Variants in SLC47A2 observed in about 807,000 individuals in gnomAD.
The protein encoded by SLC47A2 is multidrug and toxin extrusion protein 2.
In SLC47A2, 52 loss-of-function variants were observed where a neutral mutation model predicts 67.7. That is an observed-to-expected ratio of 0.77 (90% CI 0.61 to 0.97). SLC47A2 has a LOEUF of 0.97. Ranked by LOEUF, SLC47A2 falls within the 50% of genes least tolerant of loss-of-function variation. The pLI is 0.00. For missense variants in SLC47A2, 676 were observed against 712.3 expected (o/e 0.95, Z 0.58); for synonymous variants, 278 against 292.9 (o/e 0.95, Z 0.52).
intron 13 of SLC47A2, among the ~76,000 whole-genome samples, chr17:19,695,499 C>CAA (rs369851386): frequency 1.6e-3 from 88 of 55,412 alleles, no homozygotes; most frequent in African/African-American, 6.5e-3. Flanking sequence ...AAACAAAGAA[C>CAA]AAAAAAAAAA....
Position 19,680,000 on chromosome 17 carries a change from C to G in SLC47A2, c.1432G>C (p.Glu478Gln), listed in dbSNP as rs745449125. Residue 478 changes from glutamate (E) to glutamine (Q), a missense_variant, in exon 16 of 17, where the codon GAG becomes CAG. By Grantham distance (29) the Glu-to-Gln change is conservative (BLOSUM62 2). Coordinates refer to ENST00000433844, the MANE Select transcript of SLC47A2 (RefSeq NM_001099646.3). The part of the protein sequence containing the change: ...HSGRQQQQRA[E>Q]STATRPGPEK... The stretch of plus-strand genomic sequence containing the variant: ...GGCCCAGGTCTGGTTGCAGTGCTCT[C>G]TGCTCTCTGCTGCTGCTGCCGGCCT... 1 of 1,614,056 alleles carries G rather than the reference C, an allele frequency of 6.2e-7. No individual in the cohort carries two copies. The highest frequency in any genetic ancestry group is 8.5e-7 in the Non-Finnish European group (1 of 1,179,946).
chr17:19,703,801 C>T (rs2085852858), intron 11 of SLC47A2, among the ~76,000 whole-genome samples: 1 of 152,138 alleles, frequency 6.6e-6, no homozygotes, highest in African/African-American at 2.4e-5. Flanking sequence ...CCAGCTGTCT[C>T]CAGAAGAGTC....
chr17:19,715,115 C>A lies in SLC47A2; in HGVS notation c.225+1G>T. ...TGCTCTGGGCCAAGCTGGGTACTCA[C>A]GGCCACCGCGAGGGTCACCGATGCC... is the stretch of plus-strand genomic sequence containing the variant. On this transcript the variant is annotated splice_donor_variant, in intron 2 of 16. Transcript: ENST00000433844. LOFTEE classifies it high-confidence loss of function. The A allele has an allele frequency of 1.2e-6, 2 of 1,611,344 alleles. No homozygotes were observed. The highest frequency in any genetic ancestry group is 1.7e-6 in the Non-Finnish European group (2 of 1,179,796).
intron 15 of SLC47A2, among the ~76,000 whole-genome samples, chr17:19,681,094 T>G (rs968004270): frequency 1.3e-5 from 2 of 152,122 alleles, no homozygotes; most frequent in African/African-American, 4.8e-5. Context: ...GTGCCTGTAG[T>G]CCCAGGTACT....
intron 13 of SLC47A2, among the ~76,000 whole-genome samples, chr17:19,697,239 A>G (rs1279291187): frequency 2.0e-5 from 3 of 152,216 alleles, no homozygotes; most frequent in Admixed American, 2.0e-4. Context: ...TGGAGCTTGC[A>G]GTGAGCTGAG....
intron 13 of SLC47A2, among the ~76,000 whole-genome samples, chr17:19,697,939 C>CATA (rs1435451524): frequency 6.6e-6 from 1 of 152,002 alleles, no homozygotes. Context: ...AGAAATTTCA[C>CATA]TGAAGGCTAC....
chr17:19,698,395 C>G (rs1442348021), intron 13 of SLC47A2, among the ~76,000 whole-genome samples: 1 of 152,144 alleles, frequency 6.6e-6, no homozygotes, highest in East Asian at 1.9e-4. Context: ...CTCTGTCATC[C>G]AAGCTGGAGT....
At chr17:19,705,769 TG>T (rs1174342985) in intron 9 of SLC47A2, among the ~76,000 whole-genome samples, 2 of 152,154 alleles carry the variant, frequency 1.3e-5, no homozygotes, top group Non-Finnish European at 2.9e-5. Flanking sequence ...AGCTAATTTT[TG>T]TATTTTTTTG....
chr17:19,701,727 TC>T (rs965885683), intron 13 of SLC47A2, among the ~76,000 whole-genome samples: 3 of 152,162 alleles, frequency 2.0e-5, no homozygotes, highest in African/African-American at 7.2e-5. Flanking sequence ...ATGCCTATTG[TC>T]CCAGCACTTT....
intron 1 of SLC47A2, 28 bp from the exon 2 acceptor site, chr17:19,715,245 G>A (rs370556031): frequency 1.6e-5 from 25 of 1,592,100 alleles, no homozygotes; most frequent in Middle Eastern, 1.7e-4. Context: ...GGTCAGACTC[G>A]GGGCCACAGG....
In SLC47A2 at chr17:19,705,456, C is replaced by G. The variant is rs1483112135; in HGVS notation, c.889G>C (p.Val297Leu). Residue 297 changes from valine (V) to leucine (L), a missense_variant, in exon 10 of 17, where the codon GTG becomes CTG. By Grantham distance (32) the Val-to-Leu change is conservative. Transcript: ENST00000433844. ...CTTACCATGTAGGTCACAGTGGCCA[C>G]CTCGTAGATGACAGCCTGGGCAGAG... ...DLSAQAVIYE[V>L]ATVTYMIPLG... The G allele has an allele frequency of 1.9e-6, 3 of 1,612,614 alleles. No individual in the cohort carries two copies. Among genetic ancestry groups the G allele is most frequent in the Non-Finnish European group, 1.7e-6 (2 of 1,179,608 alleles).
intron 16 of SLC47A2, 37 bp from the exon 17 acceptor site, chr17:19,678,943 G>A: frequency 6.5e-7 from 1 of 1,536,340 alleles, no homozygotes; most frequent in Non-Finnish European, 8.8e-7. Flanking sequence ...AGCAGGTCAG[G>A]GGTCAGAGGG....
In SLC47A2 at chr17:19,685,256, C is replaced by T. The variant is rs573055580; in HGVS notation, c.1165-3586G>A. ...AAGTGCTAAGATTACAGCCTCTGCC[C>T]GCCCGCCACCCCATCTAGGAAGTGA... On this transcript the variant is annotated intron_variant, in intron 13 of 16. Coordinates refer to ENST00000433844, the MANE Select transcript of SLC47A2 (RefSeq NM_001099646.3). The surrounding 1 kb of genome is among the most constrained non-coding windows in gnomAD (Gnocchi z 4.5). 3.9e-5 allele frequency among the ~76,000 whole-genome samples: 6 copies of T among 152,112 alleles called. 1 individual carries two copies. Among genetic ancestry groups the T allele is most frequent in the South Asian group, 4.1e-4 (2 of 4,826 alleles).
intron 13 of SLC47A2, among the ~76,000 whole-genome samples, chr17:19,693,053 C>G (rs2085578014): frequency 6.6e-6 from 1 of 152,010 alleles, no homozygotes; most frequent in South Asian, 2.1e-4. Flanking sequence ...ATTGCTTGAA[C>G]CCGGGAGGCA....
chr17:19,700,687 C>T (rs2085761929), intron 13 of SLC47A2, among the ~76,000 whole-genome samples: 1 of 151,308 alleles, frequency 6.6e-6, no homozygotes, highest in South Asian at 2.1e-4. Context: ...ATTGCTTGGG[C>T]CCAGGTGGTC....
intron 12 of SLC47A2, 68 bp downstream of exon 12, chr17:19,703,024 A>T: frequency 6.6e-7 from 1 of 1,511,566 alleles, no homozygotes. Context: ...GAATGTGATA[A>T]ATCTGAGGAC....
At position 19,680,057 on chromosome 17, in the gene SLC47A2, C is replaced by A; in HGVS notation, c.1393-18G>T. 1 of 1,611,292 alleles carries A rather than the reference C, an allele frequency of 6.2e-7. No homozygotes were observed. Among genetic ancestry groups the A allele is most frequent in the Admixed American group, 1.7e-5 (1 of 59,406 alleles). On this transcript the variant is annotated intron_variant, in intron 15 of 16. Transcript: ENST00000433844. ...TTCTTAGCCTAAAGGAGAAAGAACT[C>A]AATTGGGTCAACCTGCCAGCTCAAC...
At chr17:19,682,569 C>G (rs1254548962) in intron 13 of SLC47A2, among the ~76,000 whole-genome samples, 2 of 152,182 alleles carry the variant, frequency 1.3e-5, no homozygotes, top group Admixed American at 6.5e-5. Context: ...TCTCCTCTGA[C>G]TCTCCTGCCT....
intron 8 of SLC47A2, among the ~76,000 whole-genome samples, chr17:19,707,306 G>A (rs181250250): frequency 6.6e-6 from 1 of 152,030 alleles, no homozygotes; most frequent in Admixed American, 6.5e-5. Context: ...GGACAGGCAG[G>A]CCCCTACACG....
Sources: gnomAD v4.1 joint callset for allele counts (sites outside exome capture counted in the v4.1 genomes callset) on GRCh38, gnomAD v4.1.1 for gene constraint, Gnocchi (gnomAD v3.1) non-coding constraint, MANE v1.5 for transcripts, NCBI Gene and HGNC (gene_info 2026-07-23, HGNC 2026-07-21) for gene names.